PIGH: variants seen among roughly 807,000 people sequenced by gnomAD.
PIGH encodes phosphatidylinositol N-acetylglucosaminyltransferase subunit H.
Under a neutral mutation model 20.1 loss-of-function variants are expected in PIGH, and 11 were observed. That is an observed-to-expected ratio of 0.55 (90% CI 0.34 to 0.91). The LOEUF (loss-of-function observed/expected upper bound fraction) is 0.91. Ranked by LOEUF, PIGH falls within the 40% of genes least tolerant of loss-of-function variation. PIGH has a pLI of 0.02. For missense variants in PIGH, 189 were observed against 233.6 expected, an observed-to-expected ratio of 0.81 and a Z score of 1.24; for synonymous variants, 72 against 93.1, an observed-to-expected ratio of 0.77 and a Z score of 1.31.
rs1343084963 is a variant in PIGH at position 67,590,118 on chromosome 14, TCTCCTGGCAG to T, written c.519_528del (p.Ser173ArgfsTer33). The T allele has an allele frequency of 1.3e-6, 2 of 1,550,198 alleles. No individual in the cohort carries two copies. The highest frequency in any genetic ancestry group is 1.7e-6 in the Non-Finnish European group (2 of 1,146,066). On this transcript the variant is annotated frameshift_variant, in exon 4 of 4. Coordinates refer to ENST00000216452, the MANE Select transcript of PIGH (RefSeq NM_004569.5). LOFTEE classifies it high-confidence loss of function. ...GATGTGGCTTTCTGGTGTGCCAGGATCTCCTGGCAGCTCCTGTATACTTCAATCAAGCAGT... is the reference window on the plus strand; with the variant it reads ...GATGTGGCTTTCTGGTGTGCCAGGATCTCCTGTATACTTCAATCAAGCAGT...
intron 2 of PIGH, 21 bp from the exon 3 acceptor site, chr14:67,592,739 T>C: frequency 7.2e-7 from 1 of 1,395,266 alleles, no homozygotes; most frequent in Non-Finnish European, 1.0e-6. Context: ...ATAAATCAAA[T>C]AGCAAAGTCT....
Sources: allele counts gnomAD v4.1 joint callset, GRCh38; gene constraint gnomAD v4.1.1; transcripts MANE v1.5; gene names NCBI Gene and HGNC (gene_info 2026-07-23, HGNC 2026-07-21).